Variants in KIAA1217 observed in about 807,000 individuals in gnomAD.
KIAA1217 encodes the protein KIAA1217.
KIAA1217 carries 88 observed loss-of-function variants against 163.9 expected under a neutral mutation model. The observed-to-expected ratio is 0.54, with a 90% CI of 0.45 to 0.64. KIAA1217 has a LOEUF of 0.64. KIAA1217 is among the 30% of genes least tolerant of loss of function. KIAA1217 has a pLI of 0.00. For synonymous variants in KIAA1217, 903 were observed against 923.1 expected, an observed-to-expected ratio of 0.98 and a Z score of 0.39; for missense variants, 2,372 against 2,475.0, an observed-to-expected ratio of 0.96 and a Z score of 0.88.
At chr10:24,213,699 TG>T (rs1429287435) in intron 1 of KIAA1217, among the ~76,000 whole-genome samples, 1 of 152,184 alleles carries the variant, frequency 6.6e-6, no homozygotes, top group Non-Finnish European at 1.5e-5. Flanking sequence ...AATGAATGAA[TG>T]AATCAATCAG....
chr10:24,519,161 A>C (rs1411031556), intron 10 of KIAA1217, among the ~76,000 whole-genome samples: 1 of 152,158 alleles, frequency 6.6e-6, no homozygotes, highest in Non-Finnish European at 1.5e-5. Context: ...GGGCTCCAGG[A>C]GGTGGAATCG....
chr10:23,777,237 A>G (rs1041154939), intron 1 of KIAA1217, among the ~76,000 whole-genome samples: 1 of 152,224 alleles, frequency 6.6e-6, no homozygotes, highest in Non-Finnish European at 1.5e-5. Context: ...ACTTAGTAGG[A>G]TTACAGCGTT....
rs187312332 is a variant in KIAA1217, at chr10:24,358,277, A to G, written c.355-22592A>G. Among the ~76,000 whole-genome samples, 41 of 152,220 alleles carry G rather than the reference A, an allele frequency of 2.7e-4. No individual in the cohort carries two copies. In the East Asian group the frequency reaches 7.1e-3, roughly 27 times the overall value. On this transcript the variant is annotated intron_variant, in intron 2 of 20. Coordinates refer to ENST00000376454, the MANE Select transcript of KIAA1217 (RefSeq NM_019590.5). ...CAAAAATAAGCAGAGTTCTCAAGGA[A>G]CTGGTCATCCCGATGTCCATGGGCT...
intron 2 of KIAA1217, among the ~76,000 whole-genome samples, chr10:24,185,489 A>G (rs2066382298): frequency 6.6e-6 from 1 of 152,172 alleles, no homozygotes; most frequent in African/African-American, 2.4e-5. Flanking sequence ...TACCTAATTT[A>G]CCAGCTTTAA....
chr10:24,250,450 T>TG lies in KIAA1217; in HGVS notation c.354+30542dup, dbSNP rs397773890. 4.6e-5 allele frequency among the ~76,000 whole-genome samples: 7 copies of TG among 150,798 alleles called. No individual in the cohort carries two copies. The East Asian group carries it at 1.4e-3, about 30-fold the overall frequency. ...GGACACATTTGGCACTTTTTTTTTT[T>TG]GAAATGGGGTCTCTCTCTGTCACCC... On this transcript the variant is annotated intron_variant, in intron 2 of 20. Transcript: ENST00000376454.
intron 1 of KIAA1217, among the ~76,000 whole-genome samples, chr10:23,699,219 G>T (rs572686289): frequency 6.6e-6 from 1 of 152,306 alleles, no homozygotes; most frequent in Admixed American, 6.5e-5. Flanking sequence ...TCAGACACGG[G>T]CCTGGTCCTA....
intron 1 of KIAA1217, among the ~76,000 whole-genome samples, chr10:23,855,193 C>G (rs978024934): frequency 1.2e-4 from 18 of 152,240 alleles, no homozygotes; most frequent in African/African-American, 4.3e-4. Flanking sequence ...TTCAGGAGCT[C>G]TTTTAGGGCA....
At chr10:23,827,542 A>G (rs1242101510) in intron 1 of KIAA1217, among the ~76,000 whole-genome samples, 1 of 152,168 alleles carries the variant, frequency 6.6e-6, no homozygotes, top group African/African-American at 2.4e-5. Flanking sequence ...TTGAGCATCT[A>G]CTATGCCTCA....
chr10:24,064,728 C>T (rs996552260), intron 2 of KIAA1217, among the ~76,000 whole-genome samples: 3 of 152,172 alleles, frequency 2.0e-5, no homozygotes, highest in Non-Finnish European at 4.4e-5. Context: ...ACCAGCTCCT[C>T]CTTGTACCTC....
At chr10:24,406,392 A>C (rs74122294) in intron 3 of KIAA1217, among the ~76,000 whole-genome samples, 17 of 133,866 alleles carry the variant, frequency 1.3e-4, no homozygotes, top group East Asian at 8.5e-4. Flanking sequence ...TTCACACACA[A>C]ACACACACAC....
intron 1 of KIAA1217, among the ~76,000 whole-genome samples, chr10:23,894,442 A>C (rs1266015444): frequency 1.4e-5 from 2 of 147,526 alleles, no homozygotes; most frequent in Non-Finnish European, 3.0e-5. Flanking sequence ...AGGGATGTGA[A>C]GGACCTCTTC....
At chr10:23,861,453 C>T (rs1839946337) in intron 1 of KIAA1217, among the ~76,000 whole-genome samples, 1 of 152,144 alleles carries the variant, frequency 6.6e-6, no homozygotes, top group South Asian at 2.1e-4. Flanking sequence ...TGTTACATTA[C>T]ACGGTAGAGA....
intron 8 of KIAA1217, among the ~76,000 whole-genome samples, chr10:24,495,741 A>C (rs1260247813): frequency 6.6e-6 from 1 of 152,218 alleles, no homozygotes; most frequent in Non-Finnish European, 1.5e-5. Flanking sequence ...GCCCAGCTGC[A>C]ATATGGGGAT....
chr10:24,233,534 A>G (rs2071749903), intron 2 of KIAA1217, among the ~76,000 whole-genome samples: 1 of 152,248 alleles, frequency 6.6e-6, no homozygotes, highest in Admixed American at 6.5e-5. Context: ...TGATTTGAGT[A>G]TGGGATGATC....
chr10:23,723,589 G>T (rs1345021546), intron 1 of KIAA1217, among the ~76,000 whole-genome samples: 2 of 152,112 alleles, frequency 1.3e-5, no homozygotes. Context: ...TTTCCTAATA[G>T]TTAAGACTGG....
intron 2 of KIAA1217, among the ~76,000 whole-genome samples, chr10:24,098,039 A>T (rs1322312470): frequency 6.6e-6 from 1 of 151,898 alleles, no homozygotes; most frequent in Non-Finnish European, 1.5e-5. Flanking sequence ...GGCAGAGGAG[A>T]CCCAGAAAAA....
chr10:24,314,491 G>A (rs944892316), intron 2 of KIAA1217, among the ~76,000 whole-genome samples: 11 of 152,204 alleles, frequency 7.2e-5, no homozygotes, highest in Admixed American at 3.3e-4. Flanking sequence ...GTGTGCACAC[G>A]TGTACATGTG....
chr10:24,332,669 G>T (rs2045840972), intron 2 of KIAA1217, among the ~76,000 whole-genome samples: 1 of 152,146 alleles, frequency 6.6e-6, no homozygotes, highest in African/African-American at 2.4e-5. Flanking sequence ...GGACCAGAAA[G>T]AAATGATTAC....
intron 12 of KIAA1217, among the ~76,000 whole-genome samples, chr10:24,523,939 A>C (rs2071697322): frequency 6.6e-6 from 1 of 152,206 alleles, no homozygotes; most frequent in African/African-American, 2.4e-5. Flanking sequence ...TGAGATACAG[A>C]AGAGCAAACA....
Sources: allele counts gnomAD v4.1 joint callset (sites outside exome capture counted in the v4.1 genomes callset), GRCh38; gene constraint gnomAD v4.1.1; transcripts MANE v1.5; gene names NCBI Gene and HGNC (gene_info 2026-07-23, HGNC 2026-07-21).